The following SLCO4A1 variants were observed in gnomAD, a reference collection of about 807,000 sequenced individuals.
SLCO4A1 encodes solute carrier organic anion transporter family member 4A1.
In SLCO4A1, 51 loss-of-function variants were observed where a neutral mutation model predicts 64.6. That is an observed-to-expected ratio of 0.79 (90% CI 0.63 to 1.00). The LOEUF (loss-of-function observed/expected upper bound fraction) is 1.00. SLCO4A1 is among the 50% of genes least tolerant of loss of function. The probability of loss-of-function intolerance (pLI) is 0.00; values close to 1 mark genes in which losing one functional copy is unlikely to be tolerated. For synonymous variants in SLCO4A1, 471 were observed against 444.9 expected, an observed-to-expected ratio of 1.06 and a Z score of -0.74; for missense variants, 919 against 980.5, an observed-to-expected ratio of 0.94 and a Z score of 0.84.
At chr20:62,675,468 T>A (rs1754755281), downstream of SLCO4A1, among the ~76,000 whole-genome samples, 1 of 152,088 alleles carries the variant, frequency 6.6e-6, no homozygotes, top group Non-Finnish European at 1.5e-5. Context: ...TCCCCTTGCC[T>A]TCCCCATTGA....
intron 7 of SLCO4A1, chr20:62,667,447 A>G (rs1041191908): frequency 3.8e-5 from 16 of 419,846 alleles, no homozygotes; most frequent in African/African-American, 2.7e-4. Flanking sequence ...TATTTGATCC[A>G]TATGAATGTG....
chr20:62,660,934 T>C, intron 4 of SLCO4A1, 130 bp from the exon 5 acceptor site: 1 of 664,186 alleles, frequency 1.5e-6, no homozygotes. Flanking sequence ...CTGCGAGGGC[T>C]GCAGGGATGT....
chr20:62,676,223 T>A (rs1320422298), downstream of SLCO4A1, among the ~76,000 whole-genome samples: 1 of 152,010 alleles, frequency 6.6e-6, no homozygotes, highest in East Asian at 1.9e-4. Context: ...GAGACCAAAC[T>A]GGGCAACGTA....
chr20:62,656,764 G>A lies in SLCO4A1; in HGVS notation c.310G>A (p.Gly104Ser). 7 of 1,612,728 alleles carry A rather than the reference G, an allele frequency of 4.3e-6. No homozygotes were observed. Among genetic ancestry groups the A allele is most frequent in the Non-Finnish European group, 5.9e-6 (7 of 1,179,852 alleles). ...PCLQVLNTPK[G>S]ILFFLCAAAF... ...CCTGCAGGTCCTCAACACGCCCAAG[G>A]GCATCCTGTTCTTCCTGTGTGCGGC... The change falls in exon 2 of 12, where the codon GGC becomes AGC. Residue 104 changes from glycine (G) to serine (S), a missense_variant. By Grantham distance (56) the Gly-to-Ser change is moderately conservative (BLOSUM62 0). Coordinates refer to ENST00000217159, the MANE Select transcript of SLCO4A1 (RefSeq NM_016354.4).
rs1399779883 is a variant in SLCO4A1, at chr20:62,665,070, G to A, written c.1258G>A (p.Glu420Lys). 2 of 1,610,350 alleles carry A rather than the reference G, an allele frequency of 1.2e-6. No individual in the cohort carries two copies. Among genetic ancestry groups the A allele is most frequent in the Middle Eastern group, 1.7e-4 (1 of 6,026 alleles). The change falls in exon 6 of 12, where the codon GAA becomes AAA. Residue 420 changes from glutamate to lysine, a missense_variant. Transcript: ENST00000217159. ...LESQFSLSAS[E>K]AATLFGYLVV... The stretch of plus-strand genomic sequence containing the variant: ...GTCCCAGTTCAGCCTGAGTGCCTCA[G>A]AAGCTGCCACCTTGTTTGGTGAGAA...
At chr20:62,676,732 C>T (rs764358629), downstream of SLCO4A1, among the ~76,000 whole-genome samples, 6 of 152,198 alleles carry the variant, frequency 3.9e-5, no homozygotes, top group African/African-American at 7.2e-5. Flanking sequence ...AACAGTTTTG[C>T]GGTTCATCAA....
intron 6 of SLCO4A1, among the ~76,000 whole-genome samples, chr20:62,665,673 C>T (rs1488247828): frequency 6.6e-6 from 1 of 152,158 alleles, no homozygotes; most frequent in Admixed American, 6.5e-5. Flanking sequence ...GGCTCCCCTC[C>T]CTCCCCCACA....
At position 62,685,366 on chromosome 20, in the gene SLCO4A1, C is replaced by A; in HGVS notation, n.212-75C>A. ...AGGGTGGGTTCGTGGGGCAACTGCA[C>A]CCGCTCCCTTCCACTCTGCTGTGGC... On this transcript the variant is annotated intron_variant and non_coding_transcript_variant, in intron 2 of 2. Transcript: ENST00000466818. The surrounding 1 kb of genome is among the most constrained non-coding windows in gnomAD (Gnocchi z 4.6). 1.2e-6 allele frequency: 1 copy of A among 836,678 alleles called. No homozygotes were observed. Among genetic ancestry groups the A allele is most frequent in the Non-Finnish European group, 1.4e-6 (1 of 694,162 alleles). 51.8% of individuals were successfully genotyped at this position (836,678 alleles called of 1,614,324 possible).
rs775160921 is a variant in SLCO4A1, at chr20:62,661,040, C to CCCAGCCA, written c.1010-23_1010-22insCAGCCAC. The CCCAGCCA allele has an allele frequency of 7.2e-7, 1 of 1,395,916 alleles. No individual in the cohort carries two copies. The highest frequency in any genetic ancestry group is 1.0e-6 in the Non-Finnish European group (1 of 984,522). The allele number at this position is 1,395,916 out of a possible 1,614,324, so 86.5% of individuals were successfully genotyped here. A position where few individuals can be genotyped will look rare whatever the true frequency, so the allele number is the denominator to read the frequency against. On this transcript the variant is annotated intron_variant, in intron 4 of 11. Transcript: ENST00000217159. This position sits in a 1 kb window ranked among gnomAD's most constrained non-coding sequence, Gnocchi z 5.2. ...CTCCGGGAGCCCCCAGCCCCCAGCC[C>CCCAGCCA]CAGCTCACTCTGTGCCCTTCCAGGC... is the stretch of plus-strand genomic sequence containing the variant.
chr20:62,667,123 T>C (rs972631027), intron 7 of SLCO4A1, among the ~76,000 whole-genome samples: 3 of 151,568 alleles, frequency 2.0e-5, no homozygotes, highest in Non-Finnish European at 4.4e-5. Context: ...AACCTAAGAG[T>C]CATCAGGGTG....
chr20:62,666,845 G>A lies in SLCO4A1; in HGVS notation c.1472+270G>A, dbSNP rs990241989. 7.0e-5 allele frequency: 31 copies of A among 439,734 alleles called. No individual in the cohort carries two copies. In the Admixed American group the frequency reaches 8.9e-4, roughly 13 times the overall value. 27.2% of individuals were successfully genotyped at this position (439,734 alleles called of 1,614,324 possible). A position where few individuals can be genotyped will look rare whatever the true frequency, so the allele number is the denominator to read the frequency against. ...TCTCTGGGCCTCAGCACTCTGCTCT[G>A]TAGCTGTGTCAAATGGAACAACAGC... On this transcript the variant is annotated intron_variant, in intron 7 of 11. Transcript: ENST00000217159.
Position 62,658,672 on chromosome 20 carries a change from C to A in SLCO4A1, c.797-5C>A. ...GCGGCCCTGACGCCTCTGCCTCTCT[C>A]GCAGCCATCTTCTACACAGCGGCCA... On this transcript the variant is annotated splice_region_variant and splice_polypyrimidine_tract_variant and intron_variant, in intron 2 of 11. Transcript: ENST00000217159. 6.2e-7 allele frequency: 1 copy of A among 1,607,810 alleles called. No homozygotes were observed. Among genetic ancestry groups the A allele is most frequent in the Non-Finnish European group, 8.5e-7 (1 of 1,177,582 alleles).
chr20:62,651,192 TCATGGAAGG>T lies in SLCO4A1; in HGVS notation c.-96-5165_-96-5157del, dbSNP rs575038311. The T allele has an allele frequency of 1.1e-3, 170 of 152,278 alleles. 1 individual carries two copies. The highest frequency in any genetic ancestry group is 3.5e-3 in the African/African-American group (146 of 41,534). 9.4% of individuals were successfully genotyped at this position (152,278 alleles called of 1,614,324 possible). ...GCTCCTGTTGTCCTTTAGCCCTGAG[TCATGGAAGG>T]CCCACCCTCCCCTTTCCAATCTAGA... On this transcript the variant is annotated intron_variant, in intron 1 of 11. Coordinates refer to ENST00000217159, the MANE Select transcript of SLCO4A1 (RefSeq NM_016354.4).
At chr20:62,667,661 G>A (rs1986608944) in intron 7 of SLCO4A1, 84 bp from the exon 8 acceptor site, 20 of 1,473,266 alleles carry the variant, frequency 1.4e-5, no homozygotes, top group South Asian at 5.2e-5. Flanking sequence ...GCATGGGGAC[G>A]AGCCCCATGG....
At chr20:62,656,187 CAG>C (rs1983681591) in intron 1 of SLCO4A1, among the ~76,000 whole-genome samples, 170 bp from the exon 2 acceptor site, 1 of 152,262 alleles carries the variant, frequency 6.6e-6, no homozygotes, top group South Asian at 2.1e-4. Context: ...CTGGGAGACA[CAG>C]TGCCTGGGTG....
intron 2 of SLCO4A1, among the ~76,000 whole-genome samples, chr20:62,682,976 G>A (rs984800604): frequency 2.0e-5 from 3 of 152,240 alleles, no homozygotes; most frequent in Non-Finnish European, 4.4e-5. Flanking sequence ...CTGGAGGCTC[G>A]AGGCCGCGGA....
intron 9 of SLCO4A1, 22 bp from the exon 10 acceptor site, chr20:62,668,455 A>G (rs376794258): frequency 5.6e-6 from 9 of 1,613,336 alleles, no homozygotes; most frequent in Non-Finnish European, 7.6e-6. Flanking sequence ...GTGGGTGCTG[A>G]CGCTGTGGTT....
At chr20:62,643,055 T>C (rs1980680966) in intron 1 of SLCO4A1, 1 of 469,030 alleles carries the variant, frequency 2.1e-6, no homozygotes, top group Non-Finnish European at 4.4e-6. Flanking sequence ...GAAACCTTCA[T>C]GCACGGAAGT....
chr20:62,668,639 AGCAGGAGGCTGTTCCCGCCTGG>A, intron 10 of SLCO4A1, 98 bp downstream of exon 10: 1 of 1,194,478 alleles, frequency 8.4e-7, no homozygotes, highest in Non-Finnish European at 1.2e-6. Context: ...TGTGCTTCCC[AGCAGGAGGCTGTTCCCGCCTGG>A]GAAGGGGTCC....
Sources: gnomAD v4.1 joint callset for allele counts (sites outside exome capture counted in the v4.1 genomes callset) on GRCh38, gnomAD v4.1.1 for gene constraint, Gnocchi (gnomAD v3.1) non-coding constraint, MANE v1.5 for transcripts, NCBI Gene and HGNC (gene_info 2026-07-23, HGNC 2026-07-21) for gene names.